The following FIGN variants were observed in gnomAD, a reference collection of about 807,000 sequenced individuals.
FIGN encodes the protein fidgetin.
A neutral mutation model predicts 51.3 loss-of-function variants in FIGN; 11 were observed. That is an observed-to-expected ratio of 0.21 (90% confidence interval 0.13 to 0.35). The LOEUF (loss-of-function observed/expected upper bound fraction) is 0.35. Among genes scored for constraint, FIGN ranks in the 10% least tolerant of loss-of-function variants. The pLI, the probability that FIGN is intolerant of heterozygous loss-of-function variation, is 1.00. For missense variants in FIGN, 857 were observed against 943.6 expected (o/e 0.91, Z 1.20); for synonymous variants, 407 against 363.2 (o/e 1.12, Z -1.37).
At chr2:163,655,804 CAGAGAG>C (rs3058760) in intron 2 of FIGN, among the ~76,000 whole-genome samples, 120 of 145,846 alleles carry the variant, frequency 8.2e-4, no homozygotes, top group African/African-American at 2.0e-3. Context: ...CACACACACA[CAGAGAG>C]AGAGAGAGAG....
chr2:163,616,685 T>G (rs746975527), intron 2 of FIGN, among the ~76,000 whole-genome samples: 7 of 152,164 alleles, frequency 4.6e-5, no homozygotes, highest in Non-Finnish European at 1.0e-4. Context: ...CCTCTGAACC[T>G]TTCATTATTT....
In FIGN at chr2:163,619,503, C is replaced by T. The variant is rs544937593; in HGVS notation, c.26-7697G>A. Among the ~76,000 whole-genome samples the T allele has an allele frequency of 5.9e-5, 9 of 152,148 alleles. No individual in the cohort carries two copies. In the South Asian group the frequency reaches 1.9e-3, roughly 32 times the overall value. ...TCTCTACAATGCATTAAATTGTATC[C>T]ATAGCAAGAAAATATTCACCCAACA... On this transcript the variant is annotated intron_variant, in intron 2 of 2. Coordinates refer to ENST00000333129, the MANE Select transcript of FIGN (RefSeq NM_018086.4).
intron 2 of FIGN, among the ~76,000 whole-genome samples, chr2:163,648,427 A>T (rs547318017): frequency 6.6e-6 from 1 of 152,350 alleles, no homozygotes; most frequent in Non-Finnish European, 1.5e-5. Context: ...TGCCCTGGGA[A>T]ATAAAATACA....
intron 2 of FIGN, among the ~76,000 whole-genome samples, chr2:163,643,290 T>C (rs545555589): frequency 6.6e-6 from 1 of 152,140 alleles, no homozygotes; most frequent in Non-Finnish European, 1.5e-5. Context: ...AACAGTCTTT[T>C]CAACAAATGG....
Position 163,618,643 on chromosome 2 carries a change from T to C in FIGN, c.26-6837A>G, listed in dbSNP as rs182177562. Among the ~76,000 whole-genome samples, 15 of 152,262 alleles carry C rather than the reference T, an allele frequency of 9.9e-5. No individual in the cohort carries two copies. In the East Asian group the frequency reaches 2.9e-3, roughly 29 times the overall value. On this transcript the variant is annotated intron_variant, in intron 2 of 2. Transcript: ENST00000333129. Reference sequence around the variant, plus strand: ...AAAATCTGTATTTCCATATTTCCCATTTTTCAGACAAGATCTTACAACACT... The same window carrying C: ...AAAATCTGTATTTCCATATTTCCCACTTTTCAGACAAGATCTTACAACACT...
intron 2 of FIGN, among the ~76,000 whole-genome samples, chr2:163,713,694 C>T (rs1684623214): frequency 6.6e-6 from 1 of 152,164 alleles, no homozygotes; most frequent in African/African-American, 2.4e-5. Flanking sequence ...CTCTGTGCTA[C>T]AGTGAGCCGG....
chr2:163,699,828 G>A (rs912650507), intron 2 of FIGN, among the ~76,000 whole-genome samples: 11 of 152,144 alleles, frequency 7.2e-5, no homozygotes, highest in Non-Finnish European at 1.5e-4. Context: ...TGATATTCAG[G>A]AGGCTGAATG....
chr2:163,633,645 T>C (rs767208031), intron 2 of FIGN, among the ~76,000 whole-genome samples: 1 of 152,252 alleles, frequency 6.6e-6, no homozygotes, highest in Non-Finnish European at 1.5e-5. Flanking sequence ...GATTTGGTAT[T>C]GTACTGACCT....
intron 2 of FIGN, among the ~76,000 whole-genome samples, chr2:163,643,958 A>C (rs901157769): frequency 6.8e-6 from 1 of 146,856 alleles, no homozygotes; most frequent in East Asian, 2.0e-4. Flanking sequence ...AAAAAAAAAA[A>C]GTCAGAATGG....
intron 2 of FIGN, among the ~76,000 whole-genome samples, chr2:163,642,515 G>A (rs1211214586): frequency 1.3e-5 from 2 of 152,130 alleles, no homozygotes; most frequent in African/African-American, 4.8e-5. Context: ...TACAGAAATG[G>A]GAAAGTGGGT....
At chr2:163,657,179 A>G (rs548805123) in intron 2 of FIGN, among the ~76,000 whole-genome samples, 48 of 152,154 alleles carry the variant, frequency 3.2e-4, no homozygotes, top group African/African-American at 9.1e-4. Flanking sequence ...AATGAAGGGA[A>G]GGACCAAAAA....
rs1559037273 is a variant in FIGN, at chr2:163,734,975, A to T, written c.-48T>A. ...CTGAATTGGATTTCTCACAAGCAGG[A>T]ATTCCAAAGGTTGCTTTTCATTAAA... On this transcript the variant is annotated 5_prime_UTR_variant, in exon 2 of 3. Transcript: ENST00000333129. The T allele has an allele frequency of 6.2e-7, 1 of 1,606,738 alleles. No homozygotes were observed. The highest frequency in any genetic ancestry group is 8.5e-7 in the Non-Finnish European group (1 of 1,176,426).
chr2:163,630,676 G>GA (rs1683132893), intron 2 of FIGN, among the ~76,000 whole-genome samples: 1 of 76,238 alleles, frequency 1.3e-5, no homozygotes, highest in African/African-American at 7.0e-5. Context: ...ACAAAAAAAA[G>GA]GGGGGGGGGA....
rs146622397 is a variant in FIGN at position 163,720,358 on chromosome 2, C to T, written c.25+14545G>A. Among the ~76,000 whole-genome samples, 5 of 152,128 alleles carry T rather than the reference C, an allele frequency of 3.3e-5. No individual in the cohort carries two copies. The East Asian group carries it at 9.7e-4, about 29-fold the overall frequency. On this transcript the variant is annotated intron_variant, in intron 2 of 2. Transcript: ENST00000333129. ...AAGACAAGGCTAAAAGAAGGCATGG[C>T]CGACCACTGAATGAAAACAATTGTA...
chr2:163,648,261 G>A (rs1471212804), intron 2 of FIGN, among the ~76,000 whole-genome samples: 1 of 152,032 alleles, frequency 6.6e-6, no homozygotes, highest in East Asian at 1.9e-4. Context: ...ATTTTGGGTT[G>A]CTATTCTTCT....
At chr2:163,705,203 A>T (rs974358423) in intron 2 of FIGN, among the ~76,000 whole-genome samples, 2 of 152,208 alleles carry the variant, frequency 1.3e-5, no homozygotes, top group African/African-American at 4.8e-5. Flanking sequence ...AAAGTCCAAC[A>T]TTCCTCAGAG....
At chr2:163,706,784 G>A (rs953566015) in intron 2 of FIGN, among the ~76,000 whole-genome samples, 17 of 152,074 alleles carry the variant, frequency 1.1e-4, no homozygotes, top group Non-Finnish European at 2.9e-5. Context: ...AGGAAATCTT[G>A]TTGGCTGAAA....
chr2:163,691,710 T>C (rs1684242591), intron 2 of FIGN, among the ~76,000 whole-genome samples: 1 of 152,164 alleles, frequency 6.6e-6, no homozygotes, highest in African/African-American at 2.4e-5. Context: ...AATGGATTAG[T>C]GGCAATCAAC....
chr2:163,612,764 A>G (rs1682783526), intron 2 of FIGN, among the ~76,000 whole-genome samples: 1 of 140,666 alleles, frequency 7.1e-6, no homozygotes, highest in Non-Finnish European at 1.5e-5. Context: ...ATATATATAT[A>G]TATATTATAT....
Sources: allele counts gnomAD v4.1 joint callset (sites outside exome capture counted in the v4.1 genomes callset), GRCh38; gene constraint gnomAD v4.1.1; transcripts MANE v1.5; gene names NCBI Gene and HGNC (gene_info 2026-07-23, HGNC 2026-07-21).